PRDM10: variants seen among roughly 807,000 people sequenced by gnomAD.
PRDM10 encodes PR/SET domain 10, also known as PR domain zinc finger protein 10.
A neutral mutation model predicts 133.1 loss-of-function variants in PRDM10; 65 were observed. The ratio of observed to expected loss-of-function variants is 0.49; its 90% confidence interval spans 0.40 to 0.60. PRDM10 has a LOEUF of 0.60. Ranked by LOEUF, PRDM10 falls within the 20% of genes least tolerant of loss-of-function variation. The pLI, the probability that PRDM10 is intolerant of heterozygous loss-of-function variation, is 0.00. For synonymous variants in PRDM10, 582 were observed against 580.4 expected, an observed-to-expected ratio of 1.00 and a Z score of -0.04; for missense variants, 1,137 against 1,507.1, an observed-to-expected ratio of 0.75 and a Z score of 4.07.
intron 1 of PRDM10, among the ~76,000 whole-genome samples, chr11:129,988,175 A>T (rs1387894693): frequency 6.6e-6 from 1 of 152,318 alleles, no homozygotes; most frequent in Non-Finnish European, 1.5e-5. Context: ...TAATAGACAC[A>T]AAAAATAAAC....
chr11:129,904,743 G>A (rs1949959747), intron 20 of PRDM10, among the ~76,000 whole-genome samples: 1 of 152,218 alleles, frequency 6.6e-6, no homozygotes, highest in African/African-American at 2.4e-5. Context: ...CAAGTGATCT[G>A]CCTGCCTTGG....
At chr11:129,921,689 G>A (rs1950527160) in intron 13 of PRDM10, among the ~76,000 whole-genome samples, 1 of 152,184 alleles carries the variant, frequency 6.6e-6, no homozygotes, top group African/African-American at 2.4e-5. Flanking sequence ...TTTGAAGGGA[G>A]TCTTCTTCCC....
chr11:129,923,174 C>T lies in PRDM10; in HGVS notation c.2034+74G>A. 6.9e-7 allele frequency: 1 copy of T among 1,441,248 alleles called. No individual in the cohort carries two copies. 89.3% of individuals were successfully genotyped at this position (1,441,248 alleles called of 1,614,324 possible). A position where few individuals can be genotyped will look rare whatever the true frequency, so the allele number is the denominator to read the frequency against. ...GTGGGTGATAAACTGATGAAATGAACAGGCATTTACCCTCAGCTTGCTATA... is the reference window on the plus strand; with the variant it reads ...GTGGGTGATAAACTGATGAAATGAATAGGCATTTACCCTCAGCTTGCTATA... On this transcript the variant is annotated intron_variant, in intron 13 of 20. Transcript: ENST00000360871. This position sits in a 1 kb window ranked among gnomAD's most constrained non-coding sequence, Gnocchi z 4.4.
At chr11:129,985,795 AAAAAAAAAAAAAAAATAT>A (rs1213759476) in intron 1 of PRDM10, among the ~76,000 whole-genome samples, 17 of 121,886 alleles carry the variant, frequency 1.4e-4, no homozygotes, top group African/African-American at 6.7e-4. Flanking sequence ...AAAAAAAAAA[AAAAAAAAAAAAAAAATAT>A]ATATATATAT....
intron 1 of PRDM10, among the ~76,000 whole-genome samples, chr11:129,977,682 C>T (rs1375430266): frequency 1.3e-5 from 2 of 152,078 alleles, no homozygotes; most frequent in Non-Finnish European, 2.9e-5. Flanking sequence ...AGGCCAGGCA[C>T]GGTAGCTCAT....
At chr11:129,984,739 T>C (rs1938319084) in intron 1 of PRDM10, among the ~76,000 whole-genome samples, 1 of 152,242 alleles carries the variant, frequency 6.6e-6, no homozygotes, top group African/African-American at 2.4e-5. Flanking sequence ...TTCTGGTGGC[T>C]TGACCTCCAC....
intron 1 of PRDM10, among the ~76,000 whole-genome samples, chr11:129,971,966 G>C (rs989936143): frequency 2.0e-5 from 3 of 152,224 alleles, no homozygotes; most frequent in Non-Finnish European, 4.4e-5. Flanking sequence ...TGCAGGTCCC[G>C]AGCCCTGCCC....
intron 3 of PRDM10, 62 bp downstream of exon 3, chr11:129,957,684 A>C: frequency 6.5e-7 from 1 of 1,548,012 alleles, no homozygotes; most frequent in Non-Finnish European, 8.8e-7. Flanking sequence ...GACAGAAAGT[A>C]AACACAAGTA....
chr11:129,998,954 C>G (rs1429884714), intron 1 of PRDM10, among the ~76,000 whole-genome samples: 3 of 151,596 alleles, frequency 2.0e-5, no homozygotes, highest in South Asian at 2.1e-4. Context: ...TCCTGAGTAG[C>G]TGAGACTACA....
chr11:129,963,681 T>C (rs1380352203), intron 1 of PRDM10, among the ~76,000 whole-genome samples: 1 of 152,108 alleles, frequency 6.6e-6, no homozygotes, highest in Admixed American at 6.6e-5. Flanking sequence ...GCCAACACAA[T>C]GCCCCTTTCC....
At chr11:129,995,983 G>A (rs1591709794) in intron 1 of PRDM10, among the ~76,000 whole-genome samples, 1 of 151,890 alleles carries the variant, frequency 6.6e-6, no homozygotes. Context: ...AAAAAAAAAG[G>A]GAGGAAAACT....
intron 1 of PRDM10, among the ~76,000 whole-genome samples, chr11:129,990,782 TTCC>T (rs1938697954): frequency 1.3e-5 from 2 of 152,280 alleles, no homozygotes; most frequent in Admixed American, 1.3e-4. Context: ...TCCTCACTTT[TTCC>T]TCACTTTTTT....
At chr11:129,951,838 G>A (rs1951589703) in intron 4 of PRDM10, among the ~76,000 whole-genome samples, 1 of 151,848 alleles carries the variant, frequency 6.6e-6, no homozygotes, top group Non-Finnish European at 1.5e-5. Flanking sequence ...TAAGGACGGG[G>A]GAATGCATAC....
Position 129,901,568 on chromosome 11 carries a change from T to G in PRDM10, c.*745A>C, listed in dbSNP as rs149464223. 4 of 152,412 alleles carry G rather than the reference T, an allele frequency of 2.6e-5. No individual in the cohort carries two copies. In the East Asian group the frequency reaches 7.7e-4, roughly 29 times the overall value. 9.4% of individuals were successfully genotyped at this position (152,412 alleles called of 1,614,324 possible). ...AGCTTTAATGTAGGGGTTTAGATTC[T>G]GCTGACATCAAGCAGCCTTTTCTCT... On this transcript the variant is annotated 3_prime_UTR_variant, in exon 21 of 21. Transcript: ENST00000360871.
At chr11:129,951,479 G>A (rs958297755) in intron 4 of PRDM10, among the ~76,000 whole-genome samples, 1 of 152,184 alleles carries the variant, frequency 6.6e-6, no homozygotes, top group African/African-American at 2.4e-5. Flanking sequence ...TAGAGGAAAG[G>A]AGTCTGAAGC....
At position 129,947,347 on chromosome 11, in the gene PRDM10, C is replaced by T. The variant is rs1951453264; in HGVS notation, c.318G>A (p.Gln106=). The T allele has an allele frequency of 6.2e-7, 1 of 1,614,192 alleles. No homozygotes were observed. ...CTACACTCTCGATGGAAGGCAGCAC[C>T]TGGTTATGAACTGGCAATGAGGCCT... ...AQQASLPVHN[Q]VLPSIESVDG... is the part of the protein sequence containing the mutation. Residue 106 remains glutamine, a synonymous_variant, in exon 5 of 21, where the codon CAG becomes CAA. Coordinates refer to ENST00000360871, the MANE Select transcript of PRDM10 (RefSeq NM_199437.2). The surrounding 1 kb of genome is among the most constrained non-coding windows in gnomAD (Gnocchi z 4.6).
At chr11:129,917,299 C>T (rs760836706) in intron 14 of PRDM10, 62 bp from the exon 15 acceptor site, 9 of 1,243,062 alleles carry the variant, frequency 7.2e-6, no homozygotes, top group East Asian at 4.7e-5. Context: ...AGAAGCTACA[C>T]GAATGCCTCT....
chr11:129,910,506 G>T lies in PRDM10; in HGVS notation c.3133C>A (p.Pro1045Thr). Residue 1045 changes from proline to threonine, a missense_variant, in exon 19 of 21, where the codon CCC becomes ACC. By Grantham distance (38) the Pro-to-Thr change is conservative. Transcript: ENST00000360871. ...QNSSVQHTYLPSAWNSFRGYS... is the reference protein window; with the variant it reads ...QNSSVQHTYLTSAWNSFRGYS... ...CCACGGAAGGAATTCCAAGCACTGG[G>T]CAGGTACGTGTGCTGCACAGAGGAA... The T allele has an allele frequency of 6.2e-7, 1 of 1,614,124 alleles. No individual in the cohort carries two copies.
At chr11:129,992,344 G>A (rs1938802017) in intron 1 of PRDM10, among the ~76,000 whole-genome samples, 1 of 152,244 alleles carries the variant, frequency 6.6e-6, no homozygotes, top group Admixed American at 6.5e-5. Context: ...GCCAGGCACT[G>A]TCAGATGTCC....
Sources: gnomAD v4.1 joint callset for allele counts (sites outside exome capture counted in the v4.1 genomes callset) on GRCh38, gnomAD v4.1.1 for gene constraint, Gnocchi (gnomAD v3.1) non-coding constraint, MANE v1.5 for transcripts, NCBI Gene and HGNC (gene_info 2026-07-23, HGNC 2026-07-21) for gene names.